TMEM245: variants seen among roughly 807,000 people sequenced by gnomAD.
TMEM245 encodes the protein transmembrane protein 245.
A neutral mutation model predicts 101.2 loss-of-function variants in TMEM245; 69 were observed. The ratio of observed to expected loss-of-function variants is 0.68; its 90% confidence interval spans 0.56 to 0.83. The LOEUF (loss-of-function observed/expected upper bound fraction) is 0.83. Among genes scored for constraint, TMEM245 ranks in the 40% least tolerant of loss-of-function variants. The pLI is 0.00. For missense variants in TMEM245, 1,075 were observed against 1,092.8 expected (o/e 0.98, Z 0.23); for synonymous variants, 537 against 449.8 (o/e 1.19, Z -2.45).
chr9:109,040,941 C>T (rs1004106306), intron 14 of TMEM245, among the ~76,000 whole-genome samples: 2 of 152,114 alleles, frequency 1.3e-5, no homozygotes, highest in Non-Finnish European at 2.9e-5. Flanking sequence ...TTTCATTTCT[C>T]GTCTGTAAAT....
chr9:109,062,015 T>G (rs1476770252), intron 10 of TMEM245, among the ~76,000 whole-genome samples: 2 of 151,838 alleles, frequency 1.3e-5, no homozygotes, highest in African/African-American at 4.8e-5. Flanking sequence ...TTTTGTTTTG[T>G]TTTTTTTGAG....
chr9:109,101,960 T>C (rs1018310950), intron 3 of TMEM245, among the ~76,000 whole-genome samples: 5 of 152,174 alleles, frequency 3.3e-5, no homozygotes, highest in African/African-American at 1.2e-4. Context: ...CTTGCATTAC[T>C]TATATTCTTA....
intron 10 of TMEM245, among the ~76,000 whole-genome samples, chr9:109,063,068 T>C (rs1336204766): frequency 6.6e-6 from 1 of 152,172 alleles, no homozygotes; most frequent in Admixed American, 6.5e-5. Flanking sequence ...GCATGAAGCA[T>C]AGTCAGAACA....
At chr9:109,092,706 T>G (rs914653008) in intron 4 of TMEM245, among the ~76,000 whole-genome samples, 3 of 152,200 alleles carry the variant, frequency 2.0e-5, no homozygotes, top group Non-Finnish European at 2.9e-5. Context: ...ATTCCCTAAC[T>G]CCAAATACCT....
intron 8 of TMEM245, among the ~76,000 whole-genome samples, chr9:109,075,114 G>C (rs932773507): frequency 6.6e-6 from 1 of 152,202 alleles, no homozygotes; most frequent in Non-Finnish European, 1.5e-5. Context: ...AACGGGGATA[G>C]CTTTGAGCAG....
chr9:109,064,208 C>T (rs1040106505), intron 10 of TMEM245, among the ~76,000 whole-genome samples: 6 of 152,210 alleles, frequency 3.9e-5, no homozygotes, highest in African/African-American at 1.2e-4. Context: ...TATTTGACTA[C>T]CCAAACCAAG....
chr9:109,060,365 A>T lies in TMEM245; in HGVS notation c.1711T>A (p.Trp571Arg), dbSNP rs1828973009. Residue 571 changes from tryptophan (W) to arginine (R), a missense_variant, in exon 11 of 18, where the codon TGG becomes AGG. By Grantham distance (101) the Trp-to-Arg change is moderately radical (BLOSUM62 -3). Transcript: ENST00000374586. ...LELWDRLYHSWFVKNVTHSGR... is the reference protein window; with the variant it reads ...LELWDRLYHSRFVKNVTHSGR... ...CTAAAATAACTTACCTTTACAAACCAAGAGTGATACAGTCTGTCCCAAAGT... is the reference window on the plus strand; with the variant it reads ...CTAAAATAACTTACCTTTACAAACCTAGAGTGATACAGTCTGTCCCAAAGT... 1 of 1,612,116 alleles carries T rather than the reference A, an allele frequency of 6.2e-7. No individual in the cohort carries two copies. The highest frequency in any genetic ancestry group is 1.1e-5 in the South Asian group (1 of 90,584).
At chr9:109,056,021 A>G (rs1828823787) in intron 12 of TMEM245, among the ~76,000 whole-genome samples, 2 of 152,240 alleles carry the variant, frequency 1.3e-5, no homozygotes, top group South Asian at 4.1e-4. Context: ...GGCTTTCAAA[A>G]TTAAGGAATC....
intron 10 of TMEM245, 22 bp from the exon 11 acceptor site, chr9:109,060,474 A>T: frequency 6.5e-7 from 1 of 1,527,824 alleles, no homozygotes; most frequent in Non-Finnish European, 9.0e-7. Flanking sequence ...CACAGATACG[A>T]CGTGGTACAA....
chr9:109,046,733 A>G (rs914711628), intron 14 of TMEM245, among the ~76,000 whole-genome samples: 8 of 152,260 alleles, frequency 5.3e-5, no homozygotes, highest in Admixed American at 4.6e-4. Context: ...TTTGTAGGCT[A>G]AACTGCACTT....
chr9:109,093,523 TG>T lies in TMEM245; in HGVS notation c.867del (p.Thr290GlnfsTer53), dbSNP rs747147888. ...ASTLANLAISITGYESSSEDQ... is the reference protein window; with the variant it reads ...ASTLANLAISXTGYESSSEDQ... ...TCTTCACTGCTTGATTCATACCCTG[TG>T]ATAGAGATGGCCAAGTTTGCCAGAG... is the stretch of plus-strand genomic sequence containing the variant. On this transcript the variant is annotated frameshift_variant, in exon 4 of 18. Transcript: ENST00000374586. LOFTEE classifies it high-confidence loss of function. 4 of 1,614,112 alleles carry T rather than the reference TG, an allele frequency of 2.5e-6. No homozygotes were observed. Among genetic ancestry groups the T allele is most frequent in the Non-Finnish European group, 3.4e-6 (4 of 1,179,990 alleles).
At chr9:109,117,506 C>G (rs551375381) in intron 1 of TMEM245, among the ~76,000 whole-genome samples, 64 of 152,292 alleles carry the variant, frequency 4.2e-4, no homozygotes, top group African/African-American at 1.5e-3. Context: ...ACTTCTCTTC[C>G]ACTCATCCAC....
Position 109,119,624 on chromosome 9 carries a change from A to G in TMEM245, c.290T>C (p.Phe97Ser), listed in dbSNP as rs779912871. The G allele has an allele frequency of 5.8e-6, 9 of 1,562,232 alleles. No individual in the cohort carries two copies. Among genetic ancestry groups the G allele is most frequent in the Admixed American group, 5.7e-5 (3 of 52,424 alleles). The change falls in exon 1 of 18, where the codon TTC becomes TCC. Residue 97 changes from phenylalanine (F) to serine (S), a missense_variant. Phe to Ser is a radical substitution (Grantham distance 155). This residue lies in a region of TMEM245 where 808 missense variants were observed against 741.5 expected (regional missense o/e 1.09). Coordinates refer to ENST00000374586, the MANE Select transcript of TMEM245 (RefSeq NM_032012.4). ...GCCCAGGCGCGTCAGCGAGCTCTTG[A>G]AGGGGTGCAGAAAAGTGCCGCATAG... ...AVLCGTFLHP[F>S]KSSLTRLGRH...
chr9:109,084,740 A>G (rs1456029080), intron 7 of TMEM245, among the ~76,000 whole-genome samples: 1 of 152,240 alleles, frequency 6.6e-6, no homozygotes, highest in Non-Finnish European at 1.5e-5. Context: ...AAAATTTTAA[A>G]ACGTGACTTA....
intron 4 of TMEM245, among the ~76,000 whole-genome samples, chr9:109,092,826 C>T (rs1289572718): frequency 6.6e-6 from 1 of 152,168 alleles, no homozygotes; most frequent in Non-Finnish European, 1.5e-5. Context: ...CTGGATTCCT[C>T]AGGAGCCTGC....
chr9:109,028,532 T>A (rs922360302), intron 17 of TMEM245, among the ~76,000 whole-genome samples: 1 of 152,028 alleles, frequency 6.6e-6, no homozygotes, highest in Non-Finnish European at 1.5e-5. Context: ...AAATTTCTGA[T>A]TCTGGAGAGT....
Position 109,119,695 on chromosome 9 carries a change from G to C in TMEM245, c.219C>G (p.Val73=), listed in dbSNP as rs1297776764. The change falls in exon 1 of 18, where the codon GTC becomes GTG. Residue 73 remains valine, a synonymous_variant. Coordinates refer to ENST00000374586, the MANE Select transcript of TMEM245 (RefSeq NM_032012.4). ...VCLCCGAAVL[V]YFILEAFLRP... is the part of the protein sequence containing the mutation. ...GCAGGAAGGCCTCCAGGATGAAGTA[G>C]ACCAGCACCGCGGCGCCGCAGCACA... 2.6e-6 allele frequency: 4 copies of C among 1,552,406 alleles called. No individual in the cohort carries two copies. The East Asian group carries it at 7.4e-5, about 29-fold the overall frequency.
At chr9:109,054,850 T>A (rs896012950) in intron 12 of TMEM245, among the ~76,000 whole-genome samples, 2 of 152,226 alleles carry the variant, frequency 1.3e-5, no homozygotes, top group African/African-American at 4.8e-5. Context: ...AAGGCAACTA[T>A]ACTACTTTTG....
chr9:109,119,802 G>T lies in TMEM245; in HGVS notation c.112C>A (p.Arg38=). ...GPSGGGGETP[R]TAALALRFDK... ...AAGCGCAGCGCCAGCGCCGCGGTCC[G>T]CGGGGTCTCCCCGCCACCGCCACTC... is the stretch of plus-strand genomic sequence containing the variant. Residue 38 remains arginine (R), a synonymous_variant, in exon 1 of 18, where the codon CGG becomes AGG. Coordinates refer to ENST00000374586, the MANE Select transcript of TMEM245 (RefSeq NM_032012.4). 6.9e-7 allele frequency: 1 copy of T among 1,455,554 alleles called. No homozygotes were observed. The highest frequency in any genetic ancestry group is 9.0e-7 in the Non-Finnish European group (1 of 1,106,320). 90.2% of individuals were successfully genotyped at this position (1,455,554 alleles called of 1,614,324 possible). A position where few individuals can be genotyped will look rare whatever the true frequency, so the allele number is the denominator to read the frequency against.
Sources: allele counts gnomAD v4.1 joint callset (sites outside exome capture counted in the v4.1 genomes callset), GRCh38; gene constraint gnomAD v4.1.1; regional missense constraint gnomAD v4.1.1; transcripts MANE v1.5; gene names NCBI Gene and HGNC (gene_info 2026-07-23, HGNC 2026-07-21).